IFT43: variants seen among roughly 807,000 people sequenced by gnomAD.
The protein encoded by IFT43 is intraflagellar transport 43.
A neutral mutation model predicts 32.3 loss-of-function variants in IFT43; 33 were observed. The observed-to-expected ratio is 1.02, with a 90% CI of 0.77 to 1.37. The LOEUF is 1.37. IFT43 is among the 40% of genes most tolerant of loss of function. The pLI is 0.00. For missense variants in IFT43, 274 were observed against 265.9 expected (o/e 1.03, Z -0.21); for synonymous variants, 93 against 98.2 (o/e 0.95, Z 0.31).
At chr14:76,036,408 C>CTTTT (rs3086747) in intron 3 of IFT43, among the ~76,000 whole-genome samples, 16 of 119,720 alleles carry the variant, frequency 1.3e-4, no homozygotes, top group Middle Eastern at 4.3e-3. Context: ...TTCTGTCTTT[C>CTTTT]TTTTTTTTTT....
Position 76,082,302 on chromosome 14 carries a change from T to C in IFT43, c.303T>C (p.Pro101=). The stretch of plus-strand genomic sequence containing the variant: ...CTCTGCCTCTCCTTGCAGATATTCC[T>C]ATCATTCCGGATCTGGAGGAAGTAC... ...LNGSDYGGDI[P]IIPDLEEVQE... The change falls in exon 6 of 9, where the codon CCT becomes CCC. Residue 101 remains proline, a synonymous_variant. Transcript: ENST00000314067. 6.2e-7 allele frequency: 1 copy of C among 1,613,986 alleles called. No homozygotes were observed. The highest frequency in any genetic ancestry group is 8.5e-7 in the Non-Finnish European group (1 of 1,179,830).
chr14:76,082,797 C>T lies in IFT43; in HGVS notation c.444+105C>T, dbSNP rs999642375. 1.4e-5 allele frequency: 12 copies of T among 871,798 alleles called. No individual in the cohort carries two copies. The African/African-American group carries it at 2.0e-4, about 14-fold the overall frequency. 54.0% of individuals were successfully genotyped at this position (871,798 alleles called of 1,614,324 possible). On this transcript the variant is annotated intron_variant, in intron 7 of 8. Transcript: ENST00000314067. Reference sequence around the variant, plus strand: ...AAGCTATACAGCGCCTCCACCAGTCCCCTGAGGCTGCCTGCCTGGCACCCA... The same window carrying T: ...AAGCTATACAGCGCCTCCACCAGTCTCCTGAGGCTGCCTGCCTGGCACCCA...
downstream of IFT43, chr14:76,084,003 C>T (rs997237): frequency 0.35 from 158,662 of 456,478 alleles, 29,705 homozygotes; most frequent in East Asian, 0.42. Flanking sequence ...ACCTTAGTGA[C>T]GCAGCACTGC....
intron 3 of IFT43, among the ~76,000 whole-genome samples, chr14:76,042,038 G>A (rs1158941708): frequency 6.6e-6 from 1 of 151,990 alleles, no homozygotes; most frequent in East Asian, 1.9e-4. Context: ...TGGCTTCCAC[G>A]AAAGTGCTGC....
intron 2 of IFT43, among the ~76,000 whole-genome samples, chr14:76,014,696 A>G (rs984930207): frequency 6.6e-6 from 1 of 152,100 alleles, no homozygotes; most frequent in Non-Finnish European, 1.5e-5. Flanking sequence ...GAGTGTGTAC[A>G]ATTCTGTTTA....
intron 2 of IFT43, among the ~76,000 whole-genome samples, chr14:75,992,960 C>T (rs2035671949): frequency 6.6e-6 from 1 of 152,168 alleles, no homozygotes; most frequent in Non-Finnish European, 1.5e-5. Context: ...ACATTAGCTT[C>T]TGTGATACTG....
intron 1 of IFT43, chr14:75,986,340 C>G (rs1006242642): frequency 8.5e-7 from 1 of 1,173,724 alleles, no homozygotes; most frequent in Non-Finnish European, 1.1e-6. Context: ...GAGTTAACCT[C>G]AGTTACCTCA....
intron 1 of IFT43, among the ~76,000 whole-genome samples, chr14:75,987,660 GT>G: frequency 6.6e-6 from 1 of 152,096 alleles, no homozygotes; most frequent in South Asian, 2.1e-4. Context: ...TATTAATGCT[GT>G]TTTTTTTAAA....
intron 5 of IFT43, among the ~76,000 whole-genome samples, chr14:76,061,486 A>G (rs1035175966): frequency 1.2e-4 from 19 of 152,182 alleles, no homozygotes; most frequent in African/African-American, 4.6e-4. Flanking sequence ...TCCACAGGTC[A>G]TTGAGGCTTG....
chr14:76,058,557 A>G, intron 3 of IFT43, 85 bp from the exon 4 acceptor site: 7 of 1,556,124 alleles, frequency 4.5e-6, no homozygotes, highest in Non-Finnish European at 6.1e-6. Context: ...ATTTGCCTCC[A>G]CTTTTGAAAC....
At chr14:76,069,442 T>C (rs895762757) in intron 5 of IFT43, among the ~76,000 whole-genome samples, 1 of 152,182 alleles carries the variant, frequency 6.6e-6, no homozygotes, top group African/African-American at 2.4e-5. Flanking sequence ...TGCAAAGTTA[T>C]GTCCCCTCTC....
intron 2 of IFT43, among the ~76,000 whole-genome samples, chr14:75,996,246 A>C (rs1390313442): frequency 6.6e-6 from 1 of 152,228 alleles, no homozygotes; most frequent in Non-Finnish European, 1.5e-5. Context: ...GAAGTAGAAA[A>C]GATGATCGTT....
chr14:75,988,943 A>G lies in IFT43; in HGVS notation c.113A>G (p.Asn38Ser), dbSNP rs763737089. 1.2e-6 allele frequency: 2 copies of G among 1,613,920 alleles called. No homozygotes were observed. Among genetic ancestry groups the G allele is most frequent in the Non-Finnish European group, 1.7e-6 (2 of 1,180,026 alleles). The change falls in exon 2 of 9, where the codon AAT (asparagine) becomes AGT (serine). Residue 38 changes from asparagine (N) to serine (S), a missense_variant. Physicochemically the swap from Asn to Ser is conservative, Grantham distance 46. Transcript: ENST00000314067. ...TCAGCGCAGGCCGAGAATCACCTCA[A>G]TGGCAAGAATTCCTCTTTGACTCTG... ...QESAQAENHL[N>S]GKNSSLTLTG...
chr14:76,065,551 A>G (rs1190214613), intron 5 of IFT43, among the ~76,000 whole-genome samples: 2 of 151,938 alleles, frequency 1.3e-5, no homozygotes, highest in African/African-American at 4.8e-5. Context: ...TTCATACTAT[A>G]GAGTAGCTTG....
chr14:76,080,363 A>G (rs1168042073), intron 5 of IFT43, among the ~76,000 whole-genome samples: 2 of 152,144 alleles, frequency 1.3e-5, no homozygotes, highest in Non-Finnish European at 2.9e-5. Context: ...CTCTTTGTGC[A>G]CATTTGGAGG....
intron 5 of IFT43, among the ~76,000 whole-genome samples, chr14:76,069,408 C>T (rs1326689483): frequency 2.0e-5 from 3 of 152,062 alleles, no homozygotes; most frequent in African/African-American, 4.8e-5. Flanking sequence ...GAGGAGACTC[C>T]TAGAGAGGAG....
chr14:76,033,865 A>G (rs991899701), intron 3 of IFT43, among the ~76,000 whole-genome samples: 2 of 152,240 alleles, frequency 1.3e-5, no homozygotes, highest in East Asian at 3.9e-4. Flanking sequence ...GAACAAATGA[A>G]TGAGTAACAC....
intron 5 of IFT43, among the ~76,000 whole-genome samples, chr14:76,074,159 G>T (rs1318513413): frequency 1.6e-4 from 24 of 152,152 alleles, no homozygotes; most frequent in Admixed American, 1.6e-3. Flanking sequence ...GGATGAAATA[G>T]AATCAGATAT....
At chr14:76,052,107 C>T (rs2036924662) in intron 3 of IFT43, among the ~76,000 whole-genome samples, 3 of 151,960 alleles carry the variant, frequency 2.0e-5, no homozygotes, top group Admixed American at 6.6e-5. Flanking sequence ...CCAGTATGTG[C>T]TGTGGATATT....
Sources: gnomAD v4.1 joint callset for allele counts (sites outside exome capture counted in the v4.1 genomes callset) on GRCh38, gnomAD v4.1.1 for gene constraint, MANE v1.5 for transcripts, NCBI Gene and HGNC (gene_info 2026-07-23, HGNC 2026-07-21) for gene names.